The following ARHGAP19 variants were observed in gnomAD, a reference collection of about 807,000 sequenced individuals.
ARHGAP19 encodes the protein rho GTPase-activating protein 19.
ARHGAP19 carries 48 observed loss-of-function variants against 60.9 expected under a neutral mutation model. The ratio of observed to expected loss-of-function variants is 0.79; its 90% confidence interval spans 0.62 to 1.00. The LOEUF (loss-of-function observed/expected upper bound fraction) is 1.00, where lower values mean the gene tolerates loss of function less well. Ranked by LOEUF, ARHGAP19 falls within the 50% of genes least tolerant of loss-of-function variation. The pLI is 0.00. For synonymous variants in ARHGAP19, 209 were observed against 215.5 expected (o/e 0.97, Z 0.27); for missense variants, 562 against 597.2 (o/e 0.94, Z 0.61).
intron 1 of ARHGAP19, among the ~76,000 whole-genome samples, chr10:97,285,994 T>G (rs563569376): frequency 6.6e-6 from 1 of 152,192 alleles, no homozygotes; most frequent in Admixed American, 6.6e-5. Context: ...TAAAATTCTG[T>G]TTTCTTCCTT....
At chr10:97,255,099 A>T (rs1420745296) in intron 6 of ARHGAP19, among the ~76,000 whole-genome samples, 1 of 152,198 alleles carries the variant, frequency 6.6e-6, no homozygotes, top group East Asian at 1.9e-4. Context: ...ATGGGTACAG[A>T]GTTTCAATTT....
chr10:97,284,177 C>T (rs1280153064), intron 1 of ARHGAP19, among the ~76,000 whole-genome samples: 3 of 152,148 alleles, frequency 2.0e-5, no homozygotes, highest in Non-Finnish European at 4.4e-5. Flanking sequence ...AGCTGGAGTA[C>T]AGTGGTGCAA....
Position 97,292,362 on chromosome 10 carries a change from G to A in ARHGAP19, c.56+210C>T, listed in dbSNP as rs549048355. ...CAGCGCAGCGGGAGGAGCCCCCTCG[G>A]GCACCGGCAGGACCGAGCGGGGGGT... On this transcript the variant is annotated intron_variant, in intron 1 of 11. Coordinates refer to ENST00000358531, the MANE Select transcript of ARHGAP19 (RefSeq NM_032900.6). 2.6e-5 allele frequency among the ~76,000 whole-genome samples: 4 copies of A among 152,352 alleles called. No individual in the cohort carries two copies. In the South Asian group the frequency reaches 8.3e-4, roughly 32 times the overall value.
intron 9 of ARHGAP19, among the ~76,000 whole-genome samples, chr10:97,232,731 A>G (rs1851047797): frequency 6.6e-6 from 1 of 152,092 alleles, no homozygotes; most frequent in Non-Finnish European, 1.5e-5. Context: ...CAGTAAGATG[A>G]ATTTGTAAAT....
At chr10:97,271,052 TA>T (rs1253055530) in intron 1 of ARHGAP19, among the ~76,000 whole-genome samples, 2 of 152,112 alleles carry the variant, frequency 1.3e-5, no homozygotes, top group African/African-American at 4.8e-5. Context: ...TTAAAAACAT[TA>T]AAAAACAATA....
chr10:97,280,831 C>T (rs1014290383), intron 1 of ARHGAP19, among the ~76,000 whole-genome samples: 8 of 152,152 alleles, frequency 5.3e-5, no homozygotes, highest in African/African-American at 1.9e-4. Context: ...GCGATCCTCC[C>T]AGCTCAGCCT....
At chr10:97,281,274 G>A (rs1440486088) in intron 1 of ARHGAP19, among the ~76,000 whole-genome samples, 1 of 151,810 alleles carries the variant, frequency 6.6e-6, no homozygotes, top group East Asian at 1.9e-4. Flanking sequence ...GGTTGCTTGA[G>A]TCTACGGTCC....
At chr10:97,291,331 A>G (rs1843229112) in intron 1 of ARHGAP19, among the ~76,000 whole-genome samples, 1 of 152,168 alleles carries the variant, frequency 6.6e-6, no homozygotes, top group Non-Finnish European at 1.5e-5. Context: ...TATTTTATTT[A>G]TTTATTTGAG....
intron 11 of ARHGAP19, 128 bp downstream of exon 11, chr10:97,229,019 C>G: frequency 1.1e-6 from 1 of 891,866 alleles, no homozygotes; most frequent in East Asian, 2.6e-5. Flanking sequence ...GGGCAAGGAC[C>G]TGGCCTTGTA....
intron 1 of ARHGAP19, among the ~76,000 whole-genome samples, chr10:97,272,335 G>GT (rs1564726671): frequency 6.6e-6 from 1 of 151,740 alleles, no homozygotes; most frequent in Non-Finnish European, 1.5e-5. Context: ...GGATTTCATC[G>GT]TGTTGCCCAG....
intron 2 of ARHGAP19, 116 bp from the exon 3 acceptor site, chr10:97,265,022 A>G (rs1027849587): frequency 3.5e-5 from 27 of 763,950 alleles, no homozygotes; most frequent in Non-Finnish European, 5.4e-5. Flanking sequence ...TCACATGGTC[A>G]GTAAACAAAA....
intron 6 of ARHGAP19, among the ~76,000 whole-genome samples, chr10:97,247,215 G>A (rs1842576362): frequency 6.6e-6 from 1 of 151,898 alleles, no homozygotes; most frequent in African/African-American, 2.4e-5. Context: ...GAAGGCTAAG[G>A]GGGAGAATCA....
At chr10:97,282,287 T>C (rs552567046) in intron 1 of ARHGAP19, among the ~76,000 whole-genome samples, 1 of 152,328 alleles carries the variant, frequency 6.6e-6, no homozygotes, top group African/African-American at 2.4e-5. Context: ...ACTGACACCG[T>C]TGGTGGCCTA....
At chr10:97,276,483 G>A (rs1589379024) in intron 1 of ARHGAP19, among the ~76,000 whole-genome samples, 1 of 2,630 alleles carries the variant, frequency 3.8e-4, no homozygotes, top group African/African-American at 4.7e-4. Flanking sequence ...CCGGCCAGCC[G>A]CCCCGTCCGG....
intron 8 of ARHGAP19, among the ~76,000 whole-genome samples, chr10:97,240,594 T>A (rs1842463580): frequency 6.6e-6 from 1 of 152,194 alleles, no homozygotes; most frequent in East Asian, 1.9e-4. Context: ...GAGGCTGCAG[T>A]CAGGCGAGAT....
chr10:97,257,425 G>A (rs1365947536), intron 5 of ARHGAP19, among the ~76,000 whole-genome samples: 1 of 151,306 alleles, frequency 6.6e-6, no homozygotes, highest in Non-Finnish European at 1.5e-5. Context: ...GTAGCTAGGA[G>A]TATAGGCATG....
chr10:97,226,599 A>C (rs1469099453), intron 11 of ARHGAP19, among the ~76,000 whole-genome samples: 1 of 152,250 alleles, frequency 6.6e-6, no homozygotes, highest in East Asian at 1.9e-4. Context: ...AAGCCGACTC[A>C]GCACAAGGCA....
chr10:97,272,627 T>C (rs1842974508), intron 1 of ARHGAP19, among the ~76,000 whole-genome samples: 1 of 152,318 alleles, frequency 6.6e-6, no homozygotes, highest in African/African-American at 2.4e-5. Flanking sequence ...TGTTAAGTTG[T>C]AGATTTCAAG....
At chr10:97,265,514 T>G in intron 2 of ARHGAP19, 1 of 210,568 alleles carries the variant, frequency 4.7e-6, no homozygotes, top group Non-Finnish European at 9.5e-6. Flanking sequence ...AAAAAGAAAA[T>G]TCAAGCATTC....
Sources: gnomAD v4.1 joint callset for allele counts (sites outside exome capture counted in the v4.1 genomes callset) on GRCh38, gnomAD v4.1.1 for gene constraint, MANE v1.5 for transcripts, NCBI Gene and HGNC (gene_info 2026-07-23, HGNC 2026-07-21) for gene names.